The following AGFG2 variants were observed in gnomAD, a reference collection of about 807,000 sequenced individuals.
AGFG2 encodes arf-GAP domain and FG repeat-containing protein 2.
A neutral mutation model predicts 48.0 loss-of-function variants in AGFG2; 31 were observed. That is an observed-to-expected ratio of 0.65 (90% confidence interval 0.49 to 0.87). The LOEUF is 0.87. AGFG2 is among the 40% of genes least tolerant of loss of function. The pLI is 0.00. For synonymous variants in AGFG2, 229 were observed against 260.8 expected (o/e 0.88, Z 1.18); for missense variants, 599 against 632.6 (o/e 0.95, Z 0.57).
intron 2 of AGFG2, among the ~76,000 whole-genome samples, chr7:100,549,969 G>C (rs1800594566): frequency 6.6e-6 from 1 of 152,204 alleles, no homozygotes; most frequent in South Asian, 2.1e-4. Flanking sequence ...TGAGATTACA[G>C]GTGTGAGCCA....
intron 5 of AGFG2, among the ~76,000 whole-genome samples, chr7:100,555,231 ATTTTC>A (rs910992855): frequency 2.2e-5 from 2 of 92,238 alleles, no homozygotes; most frequent in African/African-American, 8.7e-5. Flanking sequence ...AGGCATATAC[ATTTTC>A]TTTTCTTTTT....
intron 1 of AGFG2, among the ~76,000 whole-genome samples, chr7:100,544,818 C>T (rs768039163): frequency 1.4e-4 from 21 of 151,982 alleles, no homozygotes; most frequent in African/African-American, 4.8e-4. Flanking sequence ...AAGGGAAGGG[C>T]GGCTGGATGC....
rs974507685 is a variant in AGFG2 at position 100,565,273 on chromosome 7, G to C, written c.*282G>C. 1.1e-5 allele frequency: 6 copies of C among 522,874 alleles called. No homozygotes were observed. The highest frequency in any genetic ancestry group is 9.6e-5 in the African/African-American group (5 of 52,154). The allele number at this position is 522,874 out of a possible 1,614,324, so 32.4% of individuals were successfully genotyped here. ...TGAGGGGGAGGGATTTTTTTCAAAT[G>C]ATCAGTCCCCTGTGGAACAGCTCTT... On this transcript the variant is annotated 3_prime_UTR_variant, in exon 12 of 12. Transcript: ENST00000300176.
chr7:100,564,165 C>T (rs953989926), intron 10 of AGFG2, 53 bp from the exon 11 acceptor site: 19 of 1,575,820 alleles, frequency 1.2e-5, no homozygotes, highest in South Asian at 9.1e-5. Flanking sequence ...CCTTGCTGTC[C>T]GCCTGCAGGA....
chr7:100,556,625 T>C, intron 6 of AGFG2: 3 of 1,289,422 alleles, frequency 2.3e-6, no homozygotes, highest in Non-Finnish European at 2.0e-6. Context: ...GTTACAGCTT[T>C]GGTAAGTTAT....
chr7:100,564,847 C>T (rs1041871724), intron 11 of AGFG2, 85 bp from the exon 12 acceptor site: 2 of 1,472,898 alleles, frequency 1.4e-6, no homozygotes, highest in Non-Finnish European at 1.9e-6. Flanking sequence ...AGCGATTTTT[C>T]AGGAGAAAGG....
At chr7:100,561,070 C>T (rs1584390998) in intron 6 of AGFG2, among the ~76,000 whole-genome samples, 1 of 149,562 alleles carries the variant, frequency 6.7e-6, no homozygotes, top group African/African-American at 2.5e-5. Context: ...CCGCCCTCCT[C>T]GGCCTCCCAA....
chr7:100,553,560 T>A lies in AGFG2; in HGVS notation c.585+60T>A, dbSNP rs543006146. On this transcript the variant is annotated intron_variant, in intron 4 of 11. Coordinates refer to ENST00000300176, the MANE Select transcript of AGFG2 (RefSeq NM_006076.5). ...AGATTTGGGAGACAGGAGTGTCAGT[T>A]TCCTGAATCAGATTCCCCGGACTTA... The A allele has an allele frequency of 6.5e-6, 10 of 1,546,928 alleles. No homozygotes were observed. In the Admixed American group the frequency reaches 2.0e-4, roughly 30 times the overall value.
At chr7:100,547,891 C>G (rs1800543859) in intron 1 of AGFG2, among the ~76,000 whole-genome samples, 1 of 152,214 alleles carries the variant, frequency 6.6e-6, no homozygotes, top group Non-Finnish European at 1.5e-5. Context: ...GAGGGACCCT[C>G]TCCATCCCAC....
At position 100,555,263 on chromosome 7, in the gene AGFG2, G is replaced by GTTTTTTT. The variant is rs1166680394; in HGVS notation, c.752-325_752-319dup. On this transcript the variant is annotated intron_variant, in intron 5 of 11. Transcript: ENST00000300176. Reference sequence around the variant, plus strand: ...TTTCTTTTTCTGTTGTGTGTGTGTGGTTTTTTTTTTTTTTTTTTTTTTTTT... The same window carrying GTTTTTTT: ...TTTCTTTTTCTGTTGTGTGTGTGTGGTTTTTTTTTTTTTTTTTTTTTTTTTTTTTTTT... Among the ~76,000 whole-genome samples the GTTTTTTT allele has an allele frequency of 3.9e-4, 29 of 75,176 alleles. 1 individual carries two copies. The highest frequency in any genetic ancestry group is 5.5e-4 in the African/African-American group (9 of 16,466). 49.3% of individuals were successfully genotyped at this position (75,176 alleles called of 152,430 possible). A position where few individuals can be genotyped will look rare whatever the true frequency, so the allele number is the denominator to read the frequency against.
chr7:100,552,640 A>G (rs1029172120), intron 3 of AGFG2, among the ~76,000 whole-genome samples: 7 of 152,196 alleles, frequency 4.6e-5, no homozygotes, highest in African/African-American at 1.7e-4. Context: ...ATTGATGTGG[A>G]TAAGACCACA....
intron 1 of AGFG2, among the ~76,000 whole-genome samples, chr7:100,548,420 C>G (rs745403399): frequency 6.6e-6 from 1 of 152,148 alleles, no homozygotes; most frequent in Admixed American, 6.5e-5. Flanking sequence ...TCAAGCGATA[C>G]TTGTGCCTTA....
In AGFG2 at chr7:100,539,231, C is replaced by G. The variant is rs1431477971; in HGVS notation, c.-116C>G. ...GGACGGCGAAGTCTCCTGCGGATGCCGCCCGCTCCCGAGCTTCTGTCAGGG... is the reference window on the plus strand; with the variant it reads ...GGACGGCGAAGTCTCCTGCGGATGCGGCCCGCTCCCGAGCTTCTGTCAGGG... On this transcript the variant is annotated 5_prime_UTR_variant, in exon 1 of 12. Transcript: ENST00000300176. 1 of 1,093,090 alleles carries G rather than the reference C, an allele frequency of 9.1e-7. No homozygotes were observed. The highest frequency in any genetic ancestry group is 3.2e-5 in the East Asian group (1 of 31,094). 67.7% of individuals were successfully genotyped at this position (1,093,090 alleles called of 1,614,324 possible). A position where few individuals can be genotyped will look rare whatever the true frequency, so the allele number is the denominator to read the frequency against.
chr7:100,548,178 A>G (rs1317898393), intron 1 of AGFG2, among the ~76,000 whole-genome samples: 2 of 152,082 alleles, frequency 1.3e-5, no homozygotes, highest in Non-Finnish European at 2.9e-5. Flanking sequence ...CACTGAAACT[A>G]CTGGGATCTG....
chr7:100,551,066 A>ATT lies in AGFG2; in HGVS notation c.431+557_431+558dup, dbSNP rs1800631293. Among the ~76,000 whole-genome samples, 18 of 69,712 alleles carry ATT rather than the reference A, an allele frequency of 2.6e-4. 1 individual carries two copies. In the South Asian group the frequency reaches 4.3e-3, roughly 17 times the overall value. 45.7% of individuals were successfully genotyped at this position (69,712 alleles called of 152,430 possible). On this transcript the variant is annotated intron_variant, in intron 3 of 11. Transcript: ENST00000300176. ...TATATATATATATATATATATATATATTTCTTTTTTTTTTTTTTTTTGAGA... is the reference window on the plus strand; with the variant it reads ...TATATATATATATATATATATATATATTTTTCTTTTTTTTTTTTTTTTTGAGA...
chr7:100,564,663 A>AT (rs1305184797), intron 11 of AGFG2, among the ~76,000 whole-genome samples: 1 of 151,804 alleles, frequency 6.6e-6, no homozygotes, highest in Non-Finnish European at 1.5e-5. Flanking sequence ...ACCACCGCAC[A>AT]TGGCTAATTT....
chr7:100,550,463 C>T lies in AGFG2; in HGVS notation c.383C>T (p.Pro128Leu). 3 of 1,614,008 alleles carry T rather than the reference C, an allele frequency of 1.9e-6. No homozygotes were observed. Among genetic ancestry groups the T allele is most frequent in the Non-Finnish European group, 2.5e-6 (3 of 1,179,996 alleles). The change falls in exon 3 of 12, where the codon CCT (proline) becomes CTT (leucine). Residue 128 changes from proline (P) to leucine (L), a missense_variant. By Grantham distance (98) the Pro-to-Leu change is moderately conservative. Coordinates refer to ENST00000300176, the MANE Select transcript of AGFG2 (RefSeq NM_006076.5). ...RTSLVPDSRD[P>L]QKVKEFLQEK... ...TCTTTAGTACCAGATTCCAGGGATCCTCAGAAAGTGAAGGAGTTTCTCCAG... is the reference window on the plus strand; with the variant it reads ...TCTTTAGTACCAGATTCCAGGGATCTTCAGAAAGTGAAGGAGTTTCTCCAG...
At chr7:100,551,053 TATA>T (rs1800625615) in intron 3 of AGFG2, among the ~76,000 whole-genome samples, 3 of 86,402 alleles carry the variant, frequency 3.5e-5, no homozygotes, top group African/African-American at 1.2e-4. Context: ...TATATATATA[TATA>T]TATATATATA....
rs746865620 is a variant in AGFG2, at chr7:100,550,510, T to TGGTAA, written c.431+2_431+6dup. 1.9e-6 allele frequency: 3 copies of TGGTAA among 1,603,974 alleles called. No individual in the cohort carries two copies. In the East Asian group the frequency reaches 6.7e-5, roughly 36 times the overall value. ...CCAGGAAAAATATGAGAAGAAGAGA[T>TGGTAA]GGTAAGGAGTAGGAAAGAGGTTGCT... On this transcript the variant is annotated stop_gained and frameshift_variant and splice_region_variant, in exon 3 of 12. Coordinates refer to ENST00000300176, the MANE Select transcript of AGFG2 (RefSeq NM_006076.5). LOFTEE classifies it high-confidence loss of function.
Sources: gnomAD v4.1 joint callset for allele counts (sites outside exome capture counted in the v4.1 genomes callset) on GRCh38, gnomAD v4.1.1 for gene constraint, MANE v1.5 for transcripts, NCBI Gene and HGNC (gene_info 2026-07-23, HGNC 2026-07-21) for gene names.